The following PRSS12 variants were observed in gnomAD, a reference collection of about 807,000 sequenced individuals.
PRSS12 encodes serine protease 12, also known as neurotrypsin.
A neutral mutation model predicts 104.4 loss-of-function variants in PRSS12; 85 were observed. The ratio of observed to expected loss-of-function variants is 0.81; its 90% CI spans 0.68 to 0.98. The LOEUF (loss-of-function observed/expected upper bound fraction) is 0.98, where lower values mean the gene tolerates loss of function less well. Ranked by LOEUF, PRSS12 falls within the 50% of genes least tolerant of loss-of-function variation. The probability of loss-of-function intolerance (pLI) is 0.00; values close to 1 mark genes in which losing one functional copy is unlikely to be tolerated. For synonymous variants in PRSS12, 454 were observed against 425.2 expected (o/e 1.07, Z -0.83); for missense variants, 1,141 against 1,139.2 (o/e 1.00, Z -0.02).
chr4:118,332,388 C>T (rs1220898516), intron 3 of PRSS12, among the ~76,000 whole-genome samples: 4 of 152,110 alleles, frequency 2.6e-5, no homozygotes, highest in Non-Finnish European at 2.9e-5. Flanking sequence ...CTCAACAGAA[C>T]AATATTGAAA....
At chr4:118,318,658 T>A in intron 4 of PRSS12, 102 bp from the exon 5 acceptor site, 2 of 1,159,062 alleles carry the variant, frequency 1.7e-6, no homozygotes, top group Non-Finnish European at 2.5e-6. Flanking sequence ...AATCCCCACT[T>A]ATTAATTCAC....
chr4:118,282,289 G>A lies in PRSS12; in HGVS notation c.2321-46C>T, dbSNP rs1306800331. On this transcript the variant is annotated intron_variant, in intron 12 of 12. Transcript: ENST00000296498. Reference sequence around the variant, plus strand: ...ATTAGTGGCATTCCAGATAACCATCGCAACATTTAACAGTTACTGAGCATG... The same window carrying A: ...ATTAGTGGCATTCCAGATAACCATCACAACATTTAACAGTTACTGAGCATG... 22 of 1,604,332 alleles carry A rather than the reference G, an allele frequency of 1.4e-5. No individual in the cohort carries two copies. In the East Asian group the frequency reaches 1.6e-4, roughly 11 times the overall value.
chr4:118,331,408 G>C (rs1383058430), intron 4 of PRSS12, among the ~76,000 whole-genome samples: 1 of 152,174 alleles, frequency 6.6e-6, no homozygotes, highest in East Asian at 1.9e-4. Context: ...TATGGAATTT[G>C]ATTAAGTCAC....
chr4:118,343,552 T>C (rs1724269968), intron 1 of PRSS12, among the ~76,000 whole-genome samples: 1 of 152,130 alleles, frequency 6.6e-6, no homozygotes, highest in African/African-American at 2.4e-5. Flanking sequence ...TGAAAAGATA[T>C]CCCTGTTCAG....
chr4:118,317,018 G>C (rs1723461113), intron 5 of PRSS12, among the ~76,000 whole-genome samples: 1 of 150,654 alleles, frequency 6.6e-6, no homozygotes, highest in African/African-American at 2.4e-5. Flanking sequence ...AATTTAAAAA[G>C]AAAATACAGT....
chr4:118,351,143 C>T (rs1016428774), intron 1 of PRSS12, among the ~76,000 whole-genome samples: 5 of 152,226 alleles, frequency 3.3e-5, no homozygotes, highest in Admixed American at 2.6e-4. Flanking sequence ...ATTGAAGGTA[C>T]TGATAAATAA....
chr4:118,295,933 T>C lies in PRSS12; in HGVS notation c.1838-77A>G, dbSNP rs1743243217. The C allele has an allele frequency of 5.6e-6, 7 of 1,259,622 alleles. No homozygotes were observed. In the South Asian group the frequency reaches 8.4e-5, roughly 15 times the overall value. 78.0% of individuals were successfully genotyped at this position (1,259,622 alleles called of 1,614,324 possible). A position where few individuals can be genotyped will look rare whatever the true frequency, so the allele number is the denominator to read the frequency against. On this transcript the variant is annotated intron_variant, in intron 9 of 12. Transcript: ENST00000296498. Reference sequence around the variant, plus strand: ...TAAGACGATAAGTGACATACTCCACTGATGCTTCCTCCTCTATGTCAAAAT... The same window carrying C: ...TAAGACGATAAGTGACATACTCCACCGATGCTTCCTCCTCTATGTCAAAAT...
At chr4:118,320,178 T>C (rs1230080366) in intron 4 of PRSS12, among the ~76,000 whole-genome samples, 2 of 152,182 alleles carry the variant, frequency 1.3e-5, no homozygotes, top group African/African-American at 2.4e-5. Flanking sequence ...ATAGCATTTA[T>C]ATTTTTAGTT....
In PRSS12 at chr4:118,297,513, T is replaced by G. The variant is rs186367662; in HGVS notation, c.1837+1220A>C. On this transcript the variant is annotated intron_variant, in intron 9 of 12. Transcript: ENST00000296498. ...ACATATATCTATACACACATTCATA[T>G]ATAAAAATATGTATATATATTTAAT... Among the ~76,000 whole-genome samples, 700 of 151,260 alleles carry G rather than the reference T, an allele frequency of 4.6e-3. 12 individuals are homozygous for G. Among genetic ancestry groups the G allele is most frequent in the African/African-American group, 0.016 (675 of 41,340 alleles).
At chr4:118,328,006 C>A (rs1479098115) in intron 4 of PRSS12, among the ~76,000 whole-genome samples, 2 of 152,120 alleles carry the variant, frequency 1.3e-5, no homozygotes, top group African/African-American at 2.4e-5. Flanking sequence ...GGGAATTCAA[C>A]AAGGCAGATA....
chr4:118,330,404 C>A (rs1306469036), intron 4 of PRSS12, among the ~76,000 whole-genome samples: 1 of 151,892 alleles, frequency 6.6e-6, no homozygotes. Context: ...CTAAATGACA[C>A]CAGAAGGAAA....
At chr4:118,347,835 T>C (rs1199118722) in intron 1 of PRSS12, among the ~76,000 whole-genome samples, 1 of 152,230 alleles carries the variant, frequency 6.6e-6, no homozygotes, top group Non-Finnish European at 1.5e-5. Context: ...ATTTCAGGCA[T>C]GAGCCACCAT....
At chr4:118,282,690 T>G in intron 12 of PRSS12, 141 bp downstream of exon 12, 1 of 1,111,008 alleles carries the variant, frequency 9.0e-7, no homozygotes, top group Non-Finnish European at 1.4e-6. Flanking sequence ...AAGTCTCAAT[T>G]ACATGCATGC....
intron 10 of PRSS12, 119 bp from the exon 11 acceptor site, chr4:118,295,180 CA>C: frequency 8.0e-7 from 1 of 1,249,804 alleles, no homozygotes; most frequent in Non-Finnish European, 1.1e-6. Context: ...AAAAGGAAAG[CA>C]AAAGGGACTC....
At chr4:118,302,765 T>C (rs114918627) in intron 8 of PRSS12, among the ~76,000 whole-genome samples, 3,178 of 151,522 alleles carry the variant, frequency 0.021, 41 homozygotes, top group South Asian at 0.035. Flanking sequence ...TAACCTTCTA[T>C]ATATCTGTGC....
In PRSS12 at chr4:118,352,301, G is replaced by T; in HGVS notation, c.420C>A (p.Ser140Arg). Residue 140 changes from serine to arginine, a missense_variant, in exon 1 of 13, where the codon AGC becomes AGA. Ser to Arg is a moderately radical substitution (Grantham distance 110, BLOSUM62 -1). Coordinates refer to ENST00000296498, the MANE Select transcript of PRSS12 (RefSeq NM_003619.4). The part of the protein sequence containing the change: ...LRGQRHNFCR[S>R]PDGAGRPWCF... ...ACCAGGGTCTGCCCGCGCCGTCGGG[G>T]CTCCGACAAAAGTTGTGGCGCTGTC... 1 of 1,602,416 alleles carries T rather than the reference G, an allele frequency of 6.2e-7. No individual in the cohort carries two copies. The highest frequency in any genetic ancestry group is 8.5e-7 in the Non-Finnish European group (1 of 1,176,694).
intron 12 of PRSS12, 110 bp from the exon 13 acceptor site, chr4:118,282,353 T>C (rs1171503908): frequency 1.3e-5 from 19 of 1,430,748 alleles, no homozygotes; most frequent in Non-Finnish European, 1.8e-5. Flanking sequence ...GTGGCATTAG[T>C]GTAGTTTAAA....
intron 11 of PRSS12, among the ~76,000 whole-genome samples, chr4:118,292,748 A>G (rs1743157825): frequency 6.6e-6 from 1 of 152,164 alleles, no homozygotes; most frequent in South Asian, 2.1e-4. Flanking sequence ...AGCCACTGTT[A>G]TGTAAAATAC....
intron 12 of PRSS12, 25 bp from the exon 13 acceptor site, chr4:118,282,268 G>A: frequency 6.2e-7 from 1 of 1,613,724 alleles, no homozygotes; most frequent in African/African-American, 1.3e-5. Context: ...CATCTGATTA[G>A]TGGCATTCCA....
Sources: gnomAD v4.1 joint callset for allele counts (sites outside exome capture counted in the v4.1 genomes callset) on GRCh38, gnomAD v4.1.1 for gene constraint, MANE v1.5 for transcripts, NCBI Gene and HGNC (gene_info 2026-07-23, HGNC 2026-07-21) for gene names.